Variants in ROBO2 observed in about 807,000 individuals in gnomAD.
ROBO2 encodes the protein roundabout guidance receptor 2, also known as roundabout homolog 2.
In ROBO2, 53 loss-of-function variants were observed where a neutral mutation model predicts 160.8. That is an observed-to-expected ratio of 0.33 (90% CI 0.26 to 0.41). The LOEUF is 0.41. Ranked by LOEUF, ROBO2 falls within the 10% of genes least tolerant of loss-of-function variation. The pLI, the probability that ROBO2 is intolerant of heterozygous loss-of-function variation, is 1.00. For missense variants in ROBO2, 1,577 were observed against 1,722.4 expected (o/e 0.92, Z 1.49); for synonymous variants, 664 against 611.7 (o/e 1.09, Z -1.26).
chr3:76,599,857 GTGTC>G (rs766361345), intron 2 of ROBO2, among the ~76,000 whole-genome samples: 49 of 152,130 alleles, frequency 3.2e-4, no homozygotes, highest in Non-Finnish European at 6.5e-4. Flanking sequence ...CTTTTGAAAA[GTGTC>G]TGTTAATGTC....
In ROBO2 at chr3:76,841,726, A is replaced by G. The variant is rs116545511; in HGVS notation, c.110-256288A>G. 4.7e-3 allele frequency among the ~76,000 whole-genome samples: 722 copies of G among 152,344 alleles called. 3 individuals are homozygous for G. Among genetic ancestry groups the G allele is most frequent in the African/African-American group, 0.017 (696 of 41,592 alleles). On this transcript the variant is annotated intron_variant, in intron 2 of 26. Transcript: ENST00000487694. ...AAAAAATATGAGAAAAAAGAGGAAG[A>G]TTTATTAGCCGCTTCTAAATCCTCA...
chr3:76,481,617 C>T (rs892540728), intron 2 of ROBO2, among the ~76,000 whole-genome samples: 13 of 152,136 alleles, frequency 8.5e-5, no homozygotes, highest in African/African-American at 3.1e-4. Flanking sequence ...TCAGCATCAT[C>T]TGGGAGCTGG....
At chr3:76,610,719 T>C (rs959957270) in intron 2 of ROBO2, among the ~76,000 whole-genome samples, 21 of 147,228 alleles carry the variant, frequency 1.4e-4, no homozygotes, top group Admixed American at 1.1e-3. Flanking sequence ...CAGCTCTCTT[T>C]CTCCTGTGGT....
chr3:77,266,684 T>C (rs1435798782), intron 2 of ROBO2, among the ~76,000 whole-genome samples: 4 of 152,126 alleles, frequency 2.6e-5, no homozygotes. Context: ...TGCGGTGTGA[T>C]CTTGGGCAAA....
intron 2 of ROBO2, among the ~76,000 whole-genome samples, chr3:76,356,965 T>G (rs1325458625): frequency 6.6e-6 from 1 of 151,880 alleles, no homozygotes; most frequent in East Asian, 1.9e-4. Flanking sequence ...ATTTTTATTT[T>G]TAGTTTAAAA....
intron 2 of ROBO2, among the ~76,000 whole-genome samples, chr3:77,160,556 A>G (rs1419237829): frequency 6.6e-6 from 1 of 152,184 alleles, no homozygotes; most frequent in Non-Finnish European, 1.5e-5. Context: ...TAATGAAAAA[A>G]GGAGTCAAGT....
Position 76,123,642 on chromosome 3 carries a change from A to G in ROBO2, c.109+186040A>G, listed in dbSNP as rs115788379. On this transcript the variant is annotated intron_variant, in intron 2 of 26. Coordinates refer to the ROBO2 transcript ENST00000487694. Reference sequence around the variant, plus strand: ...TTGGACTCTCCTGTCACTAGTTAGTATATTTTATTTTTGTTCCCACTGTTG... The same window carrying G: ...TTGGACTCTCCTGTCACTAGTTAGTGTATTTTATTTTTGTTCCCACTGTTG... 6.8e-3 allele frequency among the ~76,000 whole-genome samples: 1,033 copies of G among 152,196 alleles called. 6 individuals are homozygous for G. The highest frequency in any genetic ancestry group is 0.023 in the African/African-American group (969 of 41,548).
At chr3:77,284,996 A>C (rs1377603290) in intron 2 of ROBO2, among the ~76,000 whole-genome samples, 1 of 152,148 alleles carries the variant, frequency 6.6e-6, no homozygotes, top group Admixed American at 6.6e-5. Context: ...ACACATCAAC[A>C]TGGATGATCT....
chr3:76,242,776 C>T (rs946616281), intron 2 of ROBO2, among the ~76,000 whole-genome samples: 4 of 151,924 alleles, frequency 2.6e-5, no homozygotes, highest in Admixed American at 2.6e-4. Context: ...TCCCAGCTAG[C>T]TGGGAGGCTA....
intron 2 of ROBO2, among the ~76,000 whole-genome samples, chr3:76,605,271 TAA>T (rs912336559): frequency 9.2e-5 from 14 of 152,218 alleles, no homozygotes; most frequent in African/African-American, 2.9e-4. Flanking sequence ...ATGAAGACAT[TAA>T]AGACATAGAT....
intron 2 of ROBO2, among the ~76,000 whole-genome samples, chr3:76,147,849 G>C (rs559993865): frequency 6.6e-6 from 1 of 151,998 alleles, no homozygotes; most frequent in Non-Finnish European, 1.5e-5. Flanking sequence ...GCTTCTTGTG[G>C]GGTCCTTCAG....
chr3:77,279,188 G>T (rs989854205), intron 2 of ROBO2, among the ~76,000 whole-genome samples: 1 of 151,960 alleles, frequency 6.6e-6, no homozygotes, highest in African/African-American at 2.4e-5. Context: ...AGTAGAATGT[G>T]CCATTTTTTT....
At chr3:77,370,024 C>T (rs4683996) in intron 2 of ROBO2, among the ~76,000 whole-genome samples, 16,771 of 152,104 alleles carry the variant, frequency 0.11, 1,833 homozygotes, top group African/African-American at 0.25. Context: ...AAGAGTGATG[C>T]AAGTCAGATT....
intron 2 of ROBO2, among the ~76,000 whole-genome samples, chr3:77,309,010 A>G (rs2063324021): frequency 6.6e-6 from 1 of 151,784 alleles, no homozygotes; most frequent in Non-Finnish European, 1.5e-5. Context: ...TTCTGACTCT[A>G]CTAATGATGG....
Position 76,833,990 on chromosome 3 carries a change from T to TTTCC in ROBO2, c.110-264021_110-264020insCTTC, listed in dbSNP as rs1179785752. On this transcript the variant is annotated intron_variant, in intron 2 of 26. Coordinates refer to the ROBO2 transcript ENST00000487694. ...TCTTTCTCTTTCTTTTCTTTCTTTC[T>TTTCC]TTCTTTCCTTCTTTCTTTCTTTCCT... Among the ~76,000 whole-genome samples, 114 of 147,016 alleles carry TTTCC rather than the reference T, an allele frequency of 7.8e-4. No individual in the cohort carries two copies. In the Middle Eastern group the frequency reaches 0.01, roughly 13 times the overall value.
chr3:76,811,838 TTTCCTTCCTTCCTTCCTTCCTTCC>T (rs59218956), intron 2 of ROBO2, among the ~76,000 whole-genome samples: 45 of 33,476 alleles, frequency 1.3e-3, no homozygotes, highest in Admixed American at 6.6e-3. Context: ...TCCTTCCTTC[TTTCCTTCCTTCCTTCCTTCCTTCC>T]TTCCTTCCTT....
At chr3:76,639,861 A>AGG (rs368742971) in intron 2 of ROBO2, among the ~76,000 whole-genome samples, 3,349 of 152,298 alleles carry the variant, frequency 0.022, 128 homozygotes, top group African/African-American at 0.074. Context: ...TCATAAGAAA[A>AGG]ATAATACCAC....
chr3:77,535,708 T>C (rs750968503), intron 6 of ROBO2, among the ~76,000 whole-genome samples: 43 of 152,182 alleles, frequency 2.8e-4, no homozygotes, highest in Non-Finnish European at 4.4e-4. Flanking sequence ...ACAAACGCAC[T>C]GGTAAAGTAC....
At chr3:76,842,820 A>G (rs919490115) in intron 2 of ROBO2, among the ~76,000 whole-genome samples, 1 of 152,154 alleles carries the variant, frequency 6.6e-6, no homozygotes. Context: ...AGGACTTTCC[A>G]TACATTATGG....
Sources: gnomAD v4.1 joint callset for allele counts (sites outside exome capture counted in the v4.1 genomes callset) on GRCh38, gnomAD v4.1.1 for gene constraint, MANE v1.5 for transcripts, NCBI Gene and HGNC (gene_info 2026-07-23, HGNC 2026-07-21) for gene names.